The following SPATA6L variants were observed in gnomAD, a reference collection of about 807,000 sequenced individuals.
SPATA6L encodes the protein spermatogenesis associated 6 like.
SPATA6L carries 68 observed loss-of-function variants against 49.2 expected under a neutral mutation model. The observed-to-expected ratio is 1.38, with a 90% CI of 1.14 to 1.69. The LOEUF is 1.69. Ranked by LOEUF, SPATA6L falls within the 40% of genes most tolerant of loss-of-function variation. The pLI, the probability that SPATA6L is intolerant of heterozygous loss-of-function variation, is 0.00. For synonymous variants in SPATA6L, 198 were observed against 165.7 expected, an observed-to-expected ratio of 1.19 and a Z score of -1.50; for missense variants, 668 against 464.3, an observed-to-expected ratio of 1.44 and a Z score of -4.03.
At position 4,644,183 on chromosome 9, in the gene SPATA6L, C is replaced by CAAAAAA. The variant is rs58325546; in HGVS notation, c.227-8790_227-8785dup. On this transcript the variant is annotated intron_variant, in intron 3 of 11. Transcript: ENST00000682582. ...GCAACATAGTAAGATGCCATCTCTG[C>CAAAAAA]AAAAAAAAAAAAAAAAAAAAAAAAA... Among the ~76,000 whole-genome samples the CAAAAAA allele has an allele frequency of 5.5e-4, 25 of 45,714 alleles. 3 individuals carry two copies. Among genetic ancestry groups the CAAAAAA allele is most frequent in the African/African-American group, 1.3e-3 (23 of 17,268 alleles). The allele number at this position is 45,714 out of a possible 152,430, so 30.0% of individuals were successfully genotyped here. A position where few individuals can be genotyped will look rare whatever the true frequency, so the allele number is the denominator to read the frequency against.
In SPATA6L at chr9:4,604,160, T is replaced by A. The variant is rs768341623; in HGVS notation, c.*1+19A>T. 4 of 1,540,724 alleles carry A rather than the reference T, an allele frequency of 2.6e-6. No homozygotes were observed. Among genetic ancestry groups the A allele is most frequent in the Non-Finnish European group, 3.6e-6 (4 of 1,124,728 alleles). On this transcript the variant is annotated intron_variant, in intron 11 of 11. Transcript: ENST00000682582. Reference sequence around the variant, plus strand: ...GATAAGGAGAAGCACTTAAGCTGCTTACTTACATAAGACAGTACCTTAAAA... The same window carrying A: ...GATAAGGAGAAGCACTTAAGCTGCTAACTTACATAAGACAGTACCTTAAAA...
At chr9:4,596,730 G>C (rs1410338233), downstream of SPATA6L, among the ~76,000 whole-genome samples, 1 of 152,142 alleles carries the variant, frequency 6.6e-6, no homozygotes. Context: ...GAAATGTTCT[G>C]AGTTCATGTT....
intron 2 of SPATA6L, 150 bp downstream of exon 2, chr9:4,661,749 T>TCCAACTGTGGTTTTGCTTCAAGG (rs143968076): frequency 1.4e-5 from 11 of 800,010 alleles, no homozygotes; most frequent in African/African-American, 1.0e-4. Flanking sequence ...AAGCAAGTGT[T>TCCAACTGTGGTTTTGCTTCAAGG]CCGACTGCGG....
chr9:4,617,596 C>CT (rs1214454101), intron 9 of SPATA6L: 32 of 215,900 alleles, frequency 1.5e-4, no homozygotes, highest in Middle Eastern at 1.6e-3. Flanking sequence ...TTTTTTTCCA[C>CT]TTTTTTTTCT....
chr9:4,648,485 G>A (rs2130700256), intron 3 of SPATA6L, among the ~76,000 whole-genome samples: 1 of 151,710 alleles, frequency 6.6e-6, no homozygotes, highest in Non-Finnish European at 1.5e-5. Context: ...GGATCACAAG[G>A]TCAGGAGATC....
chr9:4,666,209 T>TA lies in SPATA6L; in HGVS notation c.39+2dup. The TA allele has an allele frequency of 6.2e-7, 1 of 1,614,128 alleles. No individual in the cohort carries two copies. Among genetic ancestry groups the TA allele is most frequent in the Non-Finnish European group, 8.5e-7 (1 of 1,180,010 alleles). On this transcript the variant is annotated splice_region_variant and intron_variant, in intron 1 of 11. Transcript: ENST00000682582. ...AAGGAGGGGGAGTTCATCGATCTCT[T>TA]ACCGCCCGGATCTGCAGCTCCACCA... is the stretch of plus-strand genomic sequence containing the variant.
At chr9:4,650,274 C>T (rs1836502094) in intron 3 of SPATA6L, among the ~76,000 whole-genome samples, 1 of 152,154 alleles carries the variant, frequency 6.6e-6, no homozygotes. Context: ...GGTCCTTTCT[C>T]TATATTCTGC....
At chr9:4,610,402 C>G (rs1477816214) in intron 9 of SPATA6L, among the ~76,000 whole-genome samples, 3 of 145,722 alleles carry the variant, frequency 2.1e-5, no homozygotes, top group Non-Finnish European at 4.5e-5. Flanking sequence ...AACTATACTA[C>G]AAGGCTACAG....
chr9:4,636,112 C>CT (rs143583775), intron 3 of SPATA6L, among the ~76,000 whole-genome samples: 12,844 of 148,150 alleles, frequency 0.087, 853 homozygotes, highest in Admixed American at 0.16. Flanking sequence ...AACACAAAGC[C>CT]TTTTTTTTTT....
chr9:4,650,522 T>G (rs1162392394), intron 3 of SPATA6L, among the ~76,000 whole-genome samples: 2 of 152,122 alleles, frequency 1.3e-5, no homozygotes, highest in African/African-American at 2.4e-5. Context: ...TCAATACATC[T>G]AAAAGTTGGT....
intron 4 of SPATA6L, among the ~76,000 whole-genome samples, chr9:4,632,837 G>A (rs1213117473): frequency 1.3e-5 from 2 of 152,160 alleles, no homozygotes; most frequent in Non-Finnish European, 2.9e-5. Context: ...ACCTGCCAAA[G>A]GAAGTATGTA....
chr9:4,642,311 T>C (rs1405930868), intron 3 of SPATA6L, among the ~76,000 whole-genome samples: 1 of 152,130 alleles, frequency 6.6e-6, no homozygotes, highest in East Asian at 1.9e-4. Flanking sequence ...CAAATAAGAA[T>C]AAAAAACTTA....
At chr9:4,638,870 C>T (rs1052127558) in intron 3 of SPATA6L, among the ~76,000 whole-genome samples, 3 of 151,224 alleles carry the variant, frequency 2.0e-5, no homozygotes, top group Non-Finnish European at 3.0e-5. Flanking sequence ...CTGCAACCTC[C>T]GCCTCCCGGG....
intron 9 of SPATA6L, among the ~76,000 whole-genome samples, chr9:4,610,712 A>C (rs536751541): frequency 0.027 from 4,110 of 152,094 alleles, 183 homozygotes; most frequent in African/African-American, 0.092. Flanking sequence ...AAACCTAGGC[A>C]ATACCATTCA....
chr9:4,598,987 G>A lies in SPATA6L; in HGVS notation c.*1824C>T, dbSNP rs997962366. On this transcript the variant is annotated 3_prime_UTR_variant, in exon 12 of 12. Coordinates refer to ENST00000682582, the MANE Select transcript of SPATA6L (RefSeq NM_001353486.2). ...ATTTTAAACTTGGGTTTTGGTTTTT[G>A]TTTTTGTATTTTGGAATATTTACAT... Among the ~76,000 whole-genome samples the A allele has an allele frequency of 2.0e-5, 3 of 152,152 alleles. No individual in the cohort carries two copies. The highest frequency in any genetic ancestry group is 4.4e-5 in the Non-Finnish European group (3 of 68,004).
At chr9:4,637,263 C>G (rs767161821) in intron 3 of SPATA6L, among the ~76,000 whole-genome samples, 18 of 152,146 alleles carry the variant, frequency 1.2e-4, no homozygotes, top group Non-Finnish European at 2.6e-4. Context: ...GGTTCCCTCT[C>G]TGGGTCTCTG....
intron 4 of SPATA6L, chr9:4,633,880 T>C (rs1183359963): frequency 3.9e-5 from 6 of 152,226 alleles, no homozygotes; most frequent in Non-Finnish European, 8.8e-5. Context: ...AGTCCCTCTA[T>C]CTATTCACAA....
intron 6 of SPATA6L, 42 bp from the exon 7 acceptor site, chr9:4,622,552 C>A: frequency 7.7e-7 from 1 of 1,292,440 alleles, no homozygotes; most frequent in East Asian, 2.3e-5. Flanking sequence ...TCCACTATAG[C>A]TTCTAGTACC....
At chr9:4,605,725 T>G (rs1254169568) in intron 9 of SPATA6L, among the ~76,000 whole-genome samples, 1 of 151,918 alleles carries the variant, frequency 6.6e-6, no homozygotes, top group Non-Finnish European at 1.5e-5. Context: ...GATATTTCTC[T>G]CATGAACAAA....
Sources: allele counts gnomAD v4.1 joint callset (sites outside exome capture counted in the v4.1 genomes callset), GRCh38; gene constraint gnomAD v4.1.1; transcripts MANE v1.5; gene names NCBI Gene and HGNC (gene_info 2026-07-23, HGNC 2026-07-21).